The following FCGR2A variants were observed in gnomAD, a reference collection of about 807,000 sequenced individuals.
The protein encoded by FCGR2A is Fc gamma receptor IIa, also known as low affinity immunoglobulin gamma Fc region receptor II-a.
Under a neutral mutation model 29.3 loss-of-function variants are expected in FCGR2A, and 18 were observed. The observed-to-expected ratio is 0.62, with a 90% CI of 0.43 to 0.91. The LOEUF (loss-of-function observed/expected upper bound fraction) is 0.91. Among genes scored for constraint, FCGR2A ranks in the 40% least tolerant of loss-of-function variants. The pLI, the probability that FCGR2A is intolerant of heterozygous loss-of-function variation, is 0.00. For synonymous variants in FCGR2A, 126 were observed against 144.8 expected, an observed-to-expected ratio of 0.87 and a Z score of 0.93; for missense variants, 287 against 393.0, an observed-to-expected ratio of 0.73 and a Z score of 2.28.
At chr1:161,523,889 C>T (rs1002108704), downstream of FCGR2A, 19 of 152,156 alleles carry the variant, frequency 1.2e-4, no homozygotes, top group Admixed American at 8.5e-4. Context: ...GCGTGGCAGG[C>T]GAGAATTCTA....
At chr1:161,522,751 T>C (rs1191350080), downstream of FCGR2A, 1 of 152,140 alleles carries the variant, frequency 6.6e-6, no homozygotes, top group African/African-American at 2.4e-5. Context: ...TATTGCACAT[T>C]TCTTTAAACA....
intron 6 of FCGR2A, among the ~76,000 whole-genome samples, chr1:161,515,972 C>T (rs978989537): frequency 2.0e-5 from 3 of 152,102 alleles, no homozygotes; most frequent in African/African-American, 7.2e-5. Context: ...ATATAAATTA[C>T]ATATTTTCTC....
rs552758142 is a variant in FCGR2A, at chr1:161,506,248, T to G, written c.107-86T>G. 30 of 1,546,744 alleles carry G rather than the reference T, an allele frequency of 1.9e-5. No individual in the cohort carries two copies. In the East Asian group the frequency reaches 6.3e-4, roughly 32 times the overall value. ...CTACATCTACAATAGGACTCTTGGG[T>G]GCCTGACCTCCCTTGGGAGCTCCTT... On this transcript the variant is annotated intron_variant, in intron 2 of 6. Transcript: ENST00000271450.
At chr1:161,508,479 C>T (rs1675564233) in intron 3 of FCGR2A, among the ~76,000 whole-genome samples, 2 of 151,182 alleles carry the variant, frequency 1.3e-5, no homozygotes, top group Admixed American at 6.6e-5. Context: ...TCCAGCTACT[C>T]AGGAGGCTGA....
chr1:161,520,266 T>C (rs1484695389), downstream of FCGR2A, among the ~76,000 whole-genome samples: 10 of 152,084 alleles, frequency 6.6e-5, no homozygotes, highest in Admixed American at 6.6e-4. Context: ...TGGGGAGGCC[T>C]CAGGAAACTT....
rs564953541 is a variant in FCGR2A at position 161,518,695 on chromosome 1, C to T, written c.*547C>T. 2.7e-4 allele frequency: 42 copies of T among 158,098 alleles called. No individual in the cohort carries two copies. The highest frequency in any genetic ancestry group is 3.6e-4 in the South Asian group (2 of 5,584). 9.8% of individuals were successfully genotyped at this position (158,098 alleles called of 1,614,324 possible). A position where few individuals can be genotyped will look rare whatever the true frequency, so the allele number is the denominator to read the frequency against. ...GTGCTATCTTGGCTCACTGCAAACCCGCCTCCCAGGTTTAAGCGATTCTCA... is the reference window on the plus strand; with the variant it reads ...GTGCTATCTTGGCTCACTGCAAACCTGCCTCCCAGGTTTAAGCGATTCTCA... On this transcript the variant is annotated 3_prime_UTR_variant, in exon 7 of 7. Transcript: ENST00000271450.
chr1:161,512,049 G>A (rs1386147164), intron 5 of FCGR2A, among the ~76,000 whole-genome samples: 5 of 152,208 alleles, frequency 3.3e-5, no homozygotes, highest in Non-Finnish European at 7.3e-5. Flanking sequence ...CAGATACAGA[G>A]GAGAGGGCGG....
Position 161,513,879 on chromosome 1 carries a change from T to A in FCGR2A, c.743-16T>A. 1 of 1,614,272 alleles carries A rather than the reference T, an allele frequency of 6.2e-7. No individual in the cohort carries two copies. The highest frequency in any genetic ancestry group is 8.5e-7 in the Non-Finnish European group (1 of 1,180,052). On this transcript the variant is annotated splice_polypyrimidine_tract_variant and intron_variant, in intron 5 of 6. Coordinates refer to ENST00000271450, the MANE Select transcript of FCGR2A (RefSeq NM_001136219.3). ...AACAGCAGTGCCCTGGCTAATCTTT[T>A]TCTTTTTCCCCACAGCCAATTCCAC...
Position 161,510,861 on chromosome 1 carries a change from T to C in FCGR2A, c.647T>C (p.Met216Thr). Residue 216 changes from methionine (M) to threonine (T), a missense_variant, in exon 5 of 7, where the codon ATG becomes ACG. Coordinates refer to ENST00000271450, the MANE Select transcript of FCGR2A (RefSeq NM_001136219.3). ...CCCAGCATGGGCAGCTCTTCACCAA[T>C]GGGGATCATTGTGGCTGTGGTCATT... ...QVPSMGSSSP[M>T]GIIVAVVIAT... 1 of 1,614,134 alleles carries C rather than the reference T, an allele frequency of 6.2e-7. No individual in the cohort carries two copies. The highest frequency in any genetic ancestry group is 8.5e-7 in the Non-Finnish European group (1 of 1,179,994).
At position 161,518,192 on chromosome 1, in the gene FCGR2A, T is replaced by C. The variant is rs372576109; in HGVS notation, c.*44T>C. 103 of 1,584,484 alleles carry C rather than the reference T, an allele frequency of 6.5e-5. 2 individuals are homozygous for C. The South Asian group carries it at 1.1e-3, about 17-fold the overall frequency. On this transcript the variant is annotated 3_prime_UTR_variant, in exon 7 of 7. Transcript: ENST00000271450. ...GTGGTCATACTCTCAGCTTGCTGAG[T>C]GGATGACAAAAAGAGGGGAATTGTT...
At position 161,506,601 on chromosome 1, in the gene FCGR2A, G is replaced by A. The variant is rs1292072285; in HGVS notation, c.364+10G>A. 2 of 1,613,882 alleles carry A rather than the reference G, an allele frequency of 1.2e-6. No homozygotes were observed. Among genetic ancestry groups the A allele is most frequent in the African/African-American group, 2.7e-5 (2 of 74,940 alleles). ...CTGACTGTGCTTTCCGGTCAGTGGAGGAAGGCCCCAGGGTGGACCTGGGAG... is the reference window on the plus strand; with the variant it reads ...CTGACTGTGCTTTCCGGTCAGTGGAAGAAGGCCCCAGGGTGGACCTGGGAG... On this transcript the variant is annotated intron_variant, in intron 3 of 6. Coordinates refer to ENST00000271450, the MANE Select transcript of FCGR2A (RefSeq NM_001136219.3).
At chr1:161,522,072 C>T (rs1465306784), downstream of FCGR2A, among the ~76,000 whole-genome samples, 2 of 152,128 alleles carry the variant, frequency 1.3e-5, no homozygotes, top group Non-Finnish European at 2.9e-5. Flanking sequence ...GCTGCAGTGG[C>T]TCATGCCTGT....
chr1:161,509,815 T>C lies in FCGR2A; in HGVS notation c.365-5T>C. On this transcript the variant is annotated splice_region_variant and splice_polypyrimidine_tract_variant and intron_variant, in intron 3 of 6. Transcript: ENST00000271450. ...ACTTTTTCTTATCATATTTGTGTCTTTCAGAATGGCTGGTGCTCCAGACCC... is the reference window on the plus strand; with the variant it reads ...ACTTTTTCTTATCATATTTGTGTCTCTCAGAATGGCTGGTGCTCCAGACCC... 1 of 1,614,130 alleles carries C rather than the reference T, an allele frequency of 6.2e-7. No individual in the cohort carries two copies. The highest frequency in any genetic ancestry group is 8.5e-7 in the Non-Finnish European group (1 of 1,180,012).
intron 3 of FCGR2A, among the ~76,000 whole-genome samples, chr1:161,509,009 T>C (rs1675597401): frequency 6.6e-6 from 1 of 152,094 alleles, no homozygotes; most frequent in Non-Finnish European, 1.5e-5. Flanking sequence ...ATGATATGAA[T>C]TAATCAAATA....
chr1:161,508,645 G>A (rs531186027), intron 3 of FCGR2A, among the ~76,000 whole-genome samples: 111 of 150,164 alleles, frequency 7.4e-4, no homozygotes, highest in Admixed American at 1.9e-3. Flanking sequence ...ATTTAAATAA[G>A]ATCGAATAAA....
intron 1 of FCGR2A, 76 bp from the exon 2 acceptor site, chr1:161,505,911 A>G: frequency 1.4e-6 from 2 of 1,447,132 alleles, no homozygotes; most frequent in Non-Finnish European, 1.9e-6. Flanking sequence ...TCACCTCCCC[A>G]GCATTTCACA....
intron 3 of FCGR2A, among the ~76,000 whole-genome samples, chr1:161,508,293 T>C (rs548447209): frequency 6.7e-6 from 1 of 149,110 alleles, no homozygotes; most frequent in South Asian, 2.1e-4. Flanking sequence ...ATATACAGAA[T>C]ACTTTTTTTT....
downstream of FCGR2A, among the ~76,000 whole-genome samples, chr1:161,520,738 C>T (rs1208740119): frequency 6.6e-6 from 1 of 152,008 alleles, no homozygotes; most frequent in Non-Finnish European, 1.5e-5. Context: ...AGTCTATTCT[C>T]ACCATAACAG....
chr1:161,506,084 G>C (rs1024206207), intron 2 of FCGR2A, 77 bp downstream of exon 2: 39 of 1,469,224 alleles, frequency 2.7e-5, no homozygotes, highest in Non-Finnish European at 3.4e-5. Flanking sequence ...TGGGGCGGCG[G>C]GGGGGTATGT....
Sources: gnomAD v4.1 joint callset for allele counts (sites outside exome capture counted in the v4.1 genomes callset) on GRCh38, gnomAD v4.1.1 for gene constraint, MANE v1.5 for transcripts, NCBI Gene and HGNC (gene_info 2026-07-23, HGNC 2026-07-21) for gene names.